Variants in PID1 observed in about 807,000 individuals in gnomAD.
The protein encoded by PID1 is PTB-containing, cubilin and LRP1-interacting protein.
PID1 carries 10 observed loss-of-function variants against 19.1 expected under a neutral mutation model. That is an observed-to-expected ratio of 0.52 (90% confidence interval 0.32 to 0.89). The LOEUF (loss-of-function observed/expected upper bound fraction) is 0.89, where lower values mean the gene tolerates loss of function less well. Among genes scored for constraint, PID1 ranks in the 40% least tolerant of loss-of-function variants. The pLI, the probability that PID1 is intolerant of heterozygous loss-of-function variation, is 0.03. For missense variants in PID1, 248 were observed against 285.3 expected (o/e 0.87, Z 0.94); for synonymous variants, 130 against 116.0 (o/e 1.12, Z -0.78).
intron 2 of PID1, among the ~76,000 whole-genome samples, chr2:229,113,450 AAAC>A (rs1695340909): frequency 3.2e-5 from 1 of 31,200 alleles, no homozygotes; most frequent in Non-Finnish European, 1.1e-4. Context: ...ATACACACAC[AAAC>A]ACACACACAC....
intron 2 of PID1, among the ~76,000 whole-genome samples, chr2:229,061,489 T>C (rs1694211318): frequency 6.6e-6 from 1 of 152,082 alleles, no homozygotes; most frequent in African/African-American, 2.4e-5. Flanking sequence ...GCTGGTACCA[T>C]GCTGTTTTGA....
intron 2 of PID1, among the ~76,000 whole-genome samples, chr2:229,139,046 A>AAAGC (rs1689933350): frequency 1.2e-5 from 1 of 83,736 alleles, no homozygotes; most frequent in Non-Finnish European, 2.6e-5. Flanking sequence ...AAAGAGAAAG[A>AAAGC]AAGAAAGAAA....
At chr2:229,189,142 T>C (rs1293163864) in intron 1 of PID1, among the ~76,000 whole-genome samples, 1 of 152,188 alleles carries the variant, frequency 6.6e-6, no homozygotes, top group Non-Finnish European at 1.5e-5. Context: ...GGTGTGGTTG[T>C]ATAGATTGTT....
intron 2 of PID1, among the ~76,000 whole-genome samples, chr2:229,032,029 A>AATCTTTT (rs545421656): frequency 9.3e-4 from 141 of 152,332 alleles, no homozygotes; most frequent in African/African-American, 3.3e-3. Context: ...TTCAAGGGAA[A>AATCTTTT]TTGAGTAAAA....
chr2:229,084,859 T>C (rs1275333766), intron 2 of PID1, among the ~76,000 whole-genome samples: 4 of 100,202 alleles, frequency 4.0e-5, no homozygotes, highest in Admixed American at 3.2e-4. Flanking sequence ...TAAAGCTTCA[T>C]AATTCACAGC....
At chr2:229,231,773 G>A (rs1289422625) in intron 1 of PID1, among the ~76,000 whole-genome samples, 1 of 152,172 alleles carries the variant, frequency 6.6e-6, no homozygotes. Flanking sequence ...TGCCATGGAT[G>A]TGTCTCAATA....
At chr2:229,050,553 C>A (rs1693973531) in intron 2 of PID1, among the ~76,000 whole-genome samples, 2 of 152,216 alleles carry the variant, frequency 1.3e-5, no homozygotes, top group Non-Finnish European at 2.9e-5. Flanking sequence ...TCTCAGTTCA[C>A]AGCATGGTAG....
At chr2:229,127,428 G>T (rs1009166608) in intron 2 of PID1, among the ~76,000 whole-genome samples, 3 of 152,158 alleles carry the variant, frequency 2.0e-5, no homozygotes, top group African/African-American at 7.2e-5. Context: ...TCGGCCACCA[G>T]CTAGGACATC....
chr2:229,184,962 C>T (rs1559275201), intron 1 of PID1, among the ~76,000 whole-genome samples: 1 of 88,662 alleles, frequency 1.1e-5, no homozygotes, highest in Non-Finnish European at 2.1e-5. Flanking sequence ...TATAAAATCC[C>T]ATATATATAC....
At chr2:229,192,262 T>A (rs968863626) in intron 1 of PID1, among the ~76,000 whole-genome samples, 1 of 152,184 alleles carries the variant, frequency 6.6e-6, no homozygotes, top group African/African-American at 2.4e-5. Flanking sequence ...AAAATATGTG[T>A]CAACTGTTGT....
rs540656547 is a variant in PID1, at chr2:229,231,926, C to T, written c.30+39088G>A. 1.3e-4 allele frequency: 194 copies of T among 1,550,318 alleles called. 1 individual carries two copies. In the South Asian group the frequency reaches 2.0e-3, roughly 16 times the overall value. ...AAAAAACAGAAATTGATTTTCTCAC[C>T]GTTCCGGAGGCTAGGAAGATCATGA... On this transcript the variant is annotated intron_variant, in intron 1 of 2. Coordinates refer to ENST00000392055, the MANE Select transcript of PID1 (RefSeq NM_001100818.2).
intron 1 of PID1, among the ~76,000 whole-genome samples, chr2:229,235,472 G>A (rs1692305090): frequency 6.7e-6 from 1 of 148,316 alleles, no homozygotes; most frequent in African/African-American, 2.5e-5. Flanking sequence ...TAACTAGATG[G>A]GTGATTTGCA....
intron 1 of PID1, among the ~76,000 whole-genome samples, chr2:229,202,314 C>T (rs1177565598): frequency 6.6e-6 from 1 of 152,034 alleles, no homozygotes; most frequent in Admixed American, 6.6e-5. Context: ...GGGCGGGCAT[C>T]GATTTGCCTT....
At chr2:229,042,243 A>G (rs968452813) in intron 2 of PID1, among the ~76,000 whole-genome samples, 2 of 152,162 alleles carry the variant, frequency 1.3e-5, no homozygotes, top group African/African-American at 4.8e-5. Context: ...TTGGGGGGAA[A>G]TGGGAAAAAG....
chr2:229,115,987 G>C (rs545310153), intron 2 of PID1, among the ~76,000 whole-genome samples: 5 of 152,022 alleles, frequency 3.3e-5, no homozygotes, highest in African/African-American at 4.8e-5. Context: ...TTGGGAGGCC[G>C]AAGTGGGCAG....
At chr2:229,170,843 T>C (rs962751489) in intron 1 of PID1, among the ~76,000 whole-genome samples, 8 of 152,196 alleles carry the variant, frequency 5.3e-5, no homozygotes, top group Non-Finnish European at 4.4e-5. Context: ...TGAGTGCTTA[T>C]CTTCCTCCGA....
chr2:229,063,798 T>A (rs1299212587), intron 2 of PID1, among the ~76,000 whole-genome samples: 1 of 152,146 alleles, frequency 6.6e-6, no homozygotes, highest in Non-Finnish European at 1.5e-5. Flanking sequence ...TATATACTTA[T>A]ATATGATTTG....
chr2:229,205,620 G>C (rs549547653), intron 1 of PID1, among the ~76,000 whole-genome samples: 54 of 152,130 alleles, frequency 3.5e-4, no homozygotes, highest in African/African-American at 1.2e-3. Context: ...TCCATATTAT[G>C]TCAACAAAAT....
At chr2:229,076,689 C>T (rs775774405) in intron 2 of PID1, among the ~76,000 whole-genome samples, 1 of 152,042 alleles carries the variant, frequency 6.6e-6, no homozygotes, top group Non-Finnish European at 1.5e-5. Context: ...TAATGGTTTC[C>T]AGCTTCATCC....
Sources: allele counts gnomAD v4.1 joint callset (sites outside exome capture counted in the v4.1 genomes callset), GRCh38; gene constraint gnomAD v4.1.1; transcripts MANE v1.5; gene names NCBI Gene and HGNC (gene_info 2026-07-23, HGNC 2026-07-21).